The following MLLT1 variants were observed in gnomAD, a reference collection of about 807,000 sequenced individuals.
MLLT1 encodes the protein MLLT1 super elongation complex subunit, also known as protein ENL.
In MLLT1, 11 loss-of-function variants were observed where a neutral mutation model predicts 55.1. The observed-to-expected ratio is 0.20, with a 90% CI of 0.13 to 0.33. The LOEUF (loss-of-function observed/expected upper bound fraction) is 0.33. MLLT1 is among the 10% of genes least tolerant of loss of function. The pLI is 1.00. For synonymous variants in MLLT1, 323 were observed against 320.1 expected, an observed-to-expected ratio of 1.01 and a Z score of -0.10; for missense variants, 536 against 760.6, an observed-to-expected ratio of 0.70 and a Z score of 3.47.
chr19:6,269,123 G>A (rs1034597329), intron 2 of MLLT1, among the ~76,000 whole-genome samples: 3 of 152,224 alleles, frequency 2.0e-5, no homozygotes, highest in Non-Finnish European at 2.9e-5. Context: ...CTCTGCCAAC[G>A]TGGCACAAAA....
chr19:6,232,160 C>T (rs12710084), intron 3 of MLLT1, among the ~76,000 whole-genome samples: 64,598 of 151,856 alleles, frequency 0.43, 17,637 homozygotes, highest in African/African-American at 0.78. Context: ...CACTTGAATC[C>T]GGTAGGCGGA....
At position 6,212,824 on chromosome 19, in the gene MLLT1, G is replaced by A. The variant is rs1011442214; in HGVS notation, c.*218C>T. The A allele has an allele frequency of 2.5e-5, 22 of 894,402 alleles. No individual in the cohort carries two copies. Among genetic ancestry groups the A allele is most frequent in the Admixed American group, 3.6e-5 (1 of 27,436 alleles). 55.4% of individuals were successfully genotyped at this position (894,402 alleles called of 1,614,324 possible). A position where few individuals can be genotyped will look rare whatever the true frequency, so the allele number is the denominator to read the frequency against. On this transcript the variant is annotated 3_prime_UTR_variant, in exon 12 of 12. Coordinates refer to ENST00000252674, the MANE Select transcript of MLLT1 (RefSeq NM_005934.4). ...GGGGAGCCCAGAGAGCCCGGGGGGCGGCTCCCGTGTGGCCCAGCCCGGCCC... is the reference window on the plus strand; with the variant it reads ...GGGGAGCCCAGAGAGCCCGGGGGGCAGCTCCCGTGTGGCCCAGCCCGGCCC...
In MLLT1 at chr19:6,279,829, C is replaced by T; in HGVS notation, c.-45G>A. 7.4e-6 allele frequency: 1 copy of T among 135,922 alleles called. No individual in the cohort carries two copies. The highest frequency in any genetic ancestry group is 1.7e-5 in the Non-Finnish European group (1 of 60,226). The allele number at this position is 135,922 out of a possible 1,614,324, so 8.4% of individuals were successfully genotyped here. A position where few individuals can be genotyped will look rare whatever the true frequency, so the allele number is the denominator to read the frequency against. On this transcript the variant is annotated 5_prime_UTR_variant, in exon 1 of 12. Transcript: ENST00000252674. ...CCCCGGGCCCCGCGTCGCTCGCCGC[C>T]GCCGCCGCCGCCGCCGCCGCTCAAC...
rs920690467 is a variant in MLLT1 at position 6,256,733 on chromosome 19, G to A, written c.276+5495C>T. On this transcript the variant is annotated intron_variant, in intron 3 of 11. Coordinates refer to ENST00000252674, the MANE Select transcript of MLLT1 (RefSeq NM_005934.4). This position sits in a 1 kb window ranked among gnomAD's most constrained non-coding sequence, Gnocchi z 4.1. Reference sequence around the variant, plus strand: ...GGCGCCACTGCACTCTAGCCTGGGCGACAGAGCCAGACTCCGTCTCAAAAT... The same window carrying A: ...GGCGCCACTGCACTCTAGCCTGGGCAACAGAGCCAGACTCCGTCTCAAAAT... 6.6e-6 allele frequency among the ~76,000 whole-genome samples: 1 copy of A among 152,216 alleles called. No individual in the cohort carries two copies. Among genetic ancestry groups the A allele is most frequent in the Non-Finnish European group, 1.5e-5 (1 of 68,014 alleles).
At chr19:6,261,615 G>A (rs2091306408) in intron 3 of MLLT1, among the ~76,000 whole-genome samples, 1 of 149,742 alleles carries the variant, frequency 6.7e-6, no homozygotes, top group Non-Finnish European at 1.5e-5. Context: ...GCAGGGGCAG[G>A]CTCTGAGTTG....
intron 3 of MLLT1, among the ~76,000 whole-genome samples, chr19:6,250,246 A>G (rs1487095590): frequency 6.6e-6 from 1 of 152,210 alleles, no homozygotes; most frequent in Non-Finnish European, 1.5e-5. Context: ...ATCAGTAAAA[A>G]CAGACAAAAA....
Position 6,231,890 on chromosome 19 carries a change from C to T in MLLT1, c.277-1177G>A, listed in dbSNP as rs1411167224. The stretch of plus-strand genomic sequence containing the variant: ...CAGGTCCCAGGGGAGTGTGGGAAAA[C>T]CGCACTATGACAAGCACGAATGTCA... On this transcript the variant is annotated intron_variant, in intron 3 of 11. Coordinates refer to ENST00000252674, the MANE Select transcript of MLLT1 (RefSeq NM_005934.4). This position sits in a 1 kb window ranked among gnomAD's most constrained non-coding sequence, Gnocchi z 5.1. 1.3e-5 allele frequency among the ~76,000 whole-genome samples: 2 copies of T among 152,110 alleles called. No homozygotes were observed. Among genetic ancestry groups the T allele is most frequent in the Non-Finnish European group, 2.9e-5 (2 of 68,018 alleles).
In MLLT1 at chr19:6,213,717, C is replaced by G. The variant is rs780325987; in HGVS notation, c.1479+9G>C. On this transcript the variant is annotated intron_variant, in intron 10 of 11. Transcript: ENST00000252674. ...TAGCCTCCCCGCCTTGTCGTAGGTG[C>G]CCCCCCACCTTGTCGTAGGTGCCCT... 9 of 1,165,508 alleles carry G rather than the reference C, an allele frequency of 7.7e-6. No individual in the cohort carries two copies. In the Admixed American group the frequency reaches 1.8e-4, roughly 24 times the overall value. 72.2% of individuals were successfully genotyped at this position (1,165,508 alleles called of 1,614,324 possible). A position where few individuals can be genotyped will look rare whatever the true frequency, so the allele number is the denominator to read the frequency against.
At chr19:6,249,058 A>G (rs1021572135) in intron 3 of MLLT1, among the ~76,000 whole-genome samples, 5 of 152,176 alleles carry the variant, frequency 3.3e-5, no homozygotes, top group Non-Finnish European at 5.9e-5. Flanking sequence ...TATGGACTCT[A>G]AATACAGATC....
intron 3 of MLLT1, among the ~76,000 whole-genome samples, chr19:6,253,355 A>G (rs2144922886): frequency 6.6e-6 from 1 of 150,648 alleles, no homozygotes; most frequent in South Asian, 2.1e-4. Flanking sequence ...AATACTTCCC[A>G]CAAAGAAAAG....
At chr19:6,251,048 A>G (rs1235395114) in intron 3 of MLLT1, among the ~76,000 whole-genome samples, 1 of 152,166 alleles carries the variant, frequency 6.6e-6, no homozygotes, top group Non-Finnish European at 1.5e-5. Context: ...AGGCCCATCC[A>G]CCAAGACACA....
intron 5 of MLLT1, among the ~76,000 whole-genome samples, chr19:6,225,383 C>A (rs1265324225): frequency 6.6e-6 from 1 of 152,200 alleles, no homozygotes; most frequent in Admixed American, 6.5e-5. Context: ...AGCACATGGC[C>A]CGGCCACTCA....
chr19:6,263,643 G>A (rs540731537), intron 2 of MLLT1, among the ~76,000 whole-genome samples: 4 of 152,322 alleles, frequency 2.6e-5, no homozygotes, highest in Admixed American at 2.6e-4. Flanking sequence ...ACAGGGAGAC[G>A]CACCGGCCCA....
intron 1 of MLLT1, 141 bp downstream of exon 1, chr19:6,279,629 CATA>C (rs1301554629): frequency 1.3e-5 from 2 of 149,630 alleles, no homozygotes; most frequent in Admixed American, 1.3e-4. Context: ...CCCCGCCCCA[CATA>C]AAGGCCCGAG....
intron 3 of MLLT1, among the ~76,000 whole-genome samples, chr19:6,250,066 G>A (rs1004515457): frequency 6.6e-6 from 1 of 151,678 alleles, no homozygotes; most frequent in African/African-American, 2.4e-5. Flanking sequence ...AACTCAAAAA[G>A]AAAAACAACC....
intron 1 of MLLT1, among the ~76,000 whole-genome samples, chr19:6,278,162 G>A (rs1267232293): frequency 2.6e-5 from 4 of 152,198 alleles, no homozygotes; most frequent in African/African-American, 7.2e-5. Flanking sequence ...CTCTAACGGC[G>A]GAGATTTTGG....
Position 6,226,888 on chromosome 19 carries a change from C to T in MLLT1, c.546+89G>A, listed in dbSNP as rs114640829. 5,613 of 1,213,262 alleles carry T rather than the reference C, an allele frequency of 4.6e-3. 225 individuals carry two copies. In the African/African-American group the frequency reaches 0.081, roughly 17 times the overall value. The allele number at this position is 1,213,262 out of a possible 1,614,324, so 75.2% of individuals were successfully genotyped here. On this transcript the variant is annotated intron_variant, in intron 5 of 11. Coordinates refer to ENST00000252674, the MANE Select transcript of MLLT1 (RefSeq NM_005934.4). The surrounding 1 kb of genome is among the most constrained non-coding windows in gnomAD (Gnocchi z 6.3). ...AAGGGAGCGAGCAGGTGCGGAAGGC[C>T]CAGCCCAGTGGAGGGAGGGCGCCGG...
rs559226035 is a variant in MLLT1, at chr19:6,242,442, G to T, written c.277-11729C>A. On this transcript the variant is annotated intron_variant, in intron 3 of 11. Transcript: ENST00000252674. ...TGTGCCCTCGGACATCTGCGTGTGG[G>T]AGGCCACGGTGGACTGGTGATGGCT... Among the ~76,000 whole-genome samples, 5 of 152,330 alleles carry T rather than the reference G, an allele frequency of 3.3e-5. No homozygotes were observed. The South Asian group carries it at 1.0e-3, about 32-fold the overall frequency.
chr19:6,274,528 T>C (rs2091418380), intron 1 of MLLT1, among the ~76,000 whole-genome samples: 1 of 152,162 alleles, frequency 6.6e-6, no homozygotes, highest in Non-Finnish European at 1.5e-5. Context: ...ATAATCTGAT[T>C]GGTCAGTGGC....
Sources: allele counts gnomAD v4.1 joint callset (sites outside exome capture counted in the v4.1 genomes callset), GRCh38; gene constraint gnomAD v4.1.1; non-coding constraint Gnocchi (gnomAD v3.1); transcripts MANE v1.5; gene names NCBI Gene and HGNC (gene_info 2026-07-23, HGNC 2026-07-21).